Variants in LAMB4 observed in about 807,000 individuals in gnomAD.
The protein encoded by LAMB4 is laminin subunit beta 4.
In LAMB4, 196 loss-of-function variants were observed where a neutral mutation model predicts 199.2. The ratio of observed to expected loss-of-function variants is 0.98; its 90% CI spans 0.88 to 1.11. LAMB4 has a LOEUF of 1.11. LAMB4 is among the 50% of genes least tolerant of loss of function. LAMB4 has a pLI of 0.00. For missense variants in LAMB4, 2,080 were observed against 2,171.2 expected, an observed-to-expected ratio of 0.96 and a Z score of 0.83; for synonymous variants, 744 against 770.6, an observed-to-expected ratio of 0.97 and a Z score of 0.57.
At chr7:108,028,164 T>C (rs1487131409) in intron 33 of LAMB4, among the ~76,000 whole-genome samples, 3 of 152,232 alleles carry the variant, frequency 2.0e-5, no homozygotes, top group Non-Finnish European at 4.4e-5. Flanking sequence ...TGATTCTTTC[T>C]GGGTTGCTAT....
At chr7:108,065,534 T>C (rs1455171199) in intron 21 of LAMB4, among the ~76,000 whole-genome samples, 1 of 152,218 alleles carries the variant, frequency 6.6e-6, no homozygotes, top group East Asian at 1.9e-4. Flanking sequence ...TTCTAGAACA[T>C]TATTTGCAAA....
At chr7:108,017,688 G>A in the LAMB4 span, among the ~76,000 whole-genome samples, 1 of 152,164 alleles carries the variant, frequency 6.6e-6, no homozygotes, top group African/African-American at 2.4e-5. Context: ...GAGCCCTAGG[G>A]CTATAGGAAA....
intron 14 of LAMB4, among the ~76,000 whole-genome samples, chr7:108,081,446 G>T (rs775279398): frequency 2.7e-4 from 41 of 152,184 alleles, no homozygotes; most frequent in Non-Finnish European, 5.4e-4. Context: ...ACCATGTCTC[G>T]CTCTGCTCTT....
chr7:108,064,203 G>A (rs55698107), intron 21 of LAMB4, among the ~76,000 whole-genome samples: 4,039 of 152,218 alleles, frequency 0.027, 186 homozygotes, highest in African/African-American at 0.091. Flanking sequence ...TCTCTAAAGT[G>A]TTTGGTGGAG....
At chr7:108,120,969 T>C (rs566381386) in intron 2 of LAMB4, among the ~76,000 whole-genome samples, 1 of 152,360 alleles carries the variant, frequency 6.6e-6, no homozygotes, top group East Asian at 1.9e-4. Flanking sequence ...ATGAACTTCT[T>C]GTCTAAAATA....
At chr7:108,077,207 G>C (rs2036736045) in intron 16 of LAMB4, 143 bp from the exon 17 acceptor site, 2 of 728,502 alleles carry the variant, frequency 2.7e-6, no homozygotes, top group Non-Finnish European at 4.4e-6. Context: ...GTCTAGACCA[G>C]CACAGGTGGG....
At chr7:108,096,535 G>A (rs915056617) in intron 11 of LAMB4, among the ~76,000 whole-genome samples, 1 of 152,014 alleles carries the variant, frequency 6.6e-6, no homozygotes, top group Non-Finnish European at 1.5e-5. Context: ...TCTTTTGTGG[G>A]GGGATGAAAA....
chr7:108,019,026 C>G (rs1218401063), downstream of LAMB4, among the ~76,000 whole-genome samples: 2 of 152,074 alleles, frequency 1.3e-5, no homozygotes, highest in Non-Finnish European at 2.9e-5. Context: ...ATATTCCCAC[C>G]CAATTGAAGG....
intron 14 of LAMB4, among the ~76,000 whole-genome samples, chr7:108,088,411 G>A (rs553545350): frequency 8.5e-5 from 13 of 152,178 alleles, no homozygotes; most frequent in Admixed American, 2.6e-4. Flanking sequence ...TGACCTGCTC[G>A]CCTCGGCCTC....
chr7:108,077,059 A>G lies in LAMB4; in HGVS notation c.2009T>C (p.Met670Thr). ...TAAACAGATGGGTGTGGGAAGCAGC[A>G]TGATTCTGTATTAAGAAAGATAAAG... ...SFALPAATRI[M>T]LLPTPICLEP... Residue 670 changes from methionine to threonine, a missense_variant, in exon 17 of 34, where the codon ATG (methionine) becomes ACG (threonine). Coordinates refer to ENST00000388781, the MANE Select transcript of LAMB4 (RefSeq NM_007356.3). The G allele has an allele frequency of 6.2e-7, 1 of 1,613,316 alleles. No homozygotes were observed. Among genetic ancestry groups the G allele is most frequent in the Non-Finnish European group, 8.5e-7 (1 of 1,179,678 alleles).
chr7:108,044,905 A>G (rs2035561557), intron 28 of LAMB4, among the ~76,000 whole-genome samples: 1 of 145,756 alleles, frequency 6.9e-6, no homozygotes, highest in East Asian at 2.0e-4. Context: ...GTGAGCTGAG[A>G]TCGCACCATT....
intron 2 of LAMB4, among the ~76,000 whole-genome samples, chr7:108,116,470 C>T (rs1003853425): frequency 6.6e-6 from 1 of 151,988 alleles, no homozygotes; most frequent in Non-Finnish European, 1.5e-5. Flanking sequence ...AAAGAGATAC[C>T]GAGAATAATA....
chr7:108,108,171 T>A (rs182289425), intron 5 of LAMB4, among the ~76,000 whole-genome samples: 1 of 152,280 alleles, frequency 6.6e-6, no homozygotes, highest in African/African-American at 2.4e-5. Context: ...TGGGCTCAAA[T>A]GCCCACCTCA....
At chr7:108,122,364 C>G (rs2038630728) in intron 2 of LAMB4, among the ~76,000 whole-genome samples, 1 of 152,196 alleles carries the variant, frequency 6.6e-6, no homozygotes, top group Non-Finnish European at 1.5e-5. Flanking sequence ...TGACAAGTTT[C>G]TGTTCCCACT....
chr7:108,106,252 T>C (rs2150657665), intron 7 of LAMB4, among the ~76,000 whole-genome samples: 1 of 152,070 alleles, frequency 6.6e-6, no homozygotes, highest in African/African-American at 2.4e-5. Context: ...ACCCTGTCTC[T>C]ACATAAAATA....
intron 10 of LAMB4, among the ~76,000 whole-genome samples, chr7:108,100,645 C>T (rs1281255652): frequency 1.3e-5 from 2 of 152,166 alleles, no homozygotes; most frequent in East Asian, 1.9e-4. Flanking sequence ...GATTGATGTG[C>T]TCAAAATATT....
chr7:108,045,196 A>G (rs1256227513), intron 28 of LAMB4, among the ~76,000 whole-genome samples: 5 of 152,196 alleles, frequency 3.3e-5, no homozygotes, highest in Admixed American at 3.3e-4. Flanking sequence ...GATAGCAGTA[A>G]GAATGGATTG....
chr7:108,111,824 C>T lies in LAMB4; in HGVS notation c.315G>A (p.Trp105Ter), dbSNP rs765314600. 25 of 1,610,972 alleles carry T rather than the reference C, an allele frequency of 1.6e-5. No homozygotes were observed. The African/African-American group carries it at 1.7e-4, about 11-fold the overall frequency. Residue 105 changes from tryptophan to a stop codon, truncating the protein, a stop_gained, in exon 4 of 34, where the codon TGG (tryptophan) becomes TGA (stop). Coordinates refer to ENST00000388781, the MANE Select transcript of LAMB4 (RefSeq NM_007356.3). LOFTEE classifies it high-confidence loss of function. ...CTTAAATCATACCATTTTCAGATTG[C>T]CACCATTTCTTTTCTCTGTCTGGTT... ...SFEPDREKKW[W>*]QSENGLDHVS...
the LAMB4 span, among the ~76,000 whole-genome samples, chr7:108,016,783 G>C: frequency 6.6e-6 from 1 of 152,058 alleles, no homozygotes; most frequent in Non-Finnish European, 1.5e-5. Flanking sequence ...TTTTCACTAT[G>C]AATGTTTTAT....
Sources: gnomAD v4.1 joint callset for allele counts (sites outside exome capture counted in the v4.1 genomes callset) on GRCh38, gnomAD v4.1.1 for gene constraint, MANE v1.5 for transcripts, NCBI Gene and HGNC (gene_info 2026-07-23, HGNC 2026-07-21) for gene names.